TMEM120B: variants seen among roughly 807,000 people sequenced by gnomAD.
The protein encoded by TMEM120B is transmembrane protein 120B.
TMEM120B carries 31 observed loss-of-function variants against 55.5 expected under a neutral mutation model. That is an observed-to-expected ratio of 0.56 (90% CI 0.42 to 0.75). The LOEUF (loss-of-function observed/expected upper bound fraction) is 0.75, where lower values mean the gene tolerates loss of function less well. Ranked by LOEUF, TMEM120B falls within the 30% of genes least tolerant of loss-of-function variation. The probability of loss-of-function intolerance (pLI) is 0.00; values close to 1 mark genes in which losing one functional copy is unlikely to be tolerated. For missense variants in TMEM120B, 399 were observed against 425.5 expected (o/e 0.94, Z 0.55); for synonymous variants, 203 against 176.3 (o/e 1.15, Z -1.20).
intron 5 of TMEM120B, among the ~76,000 whole-genome samples, chr12:121,760,013 C>T (rs1313047067): frequency 6.6e-6 from 1 of 151,532 alleles, no homozygotes. Context: ...CACCCATAGT[C>T]CCAGCTACTC....
At chr12:121,770,865 C>CA in intron 6 of TMEM120B, 42 bp from the exon 7 acceptor site, 1 of 1,597,060 alleles carries the variant, frequency 6.3e-7, no homozygotes, top group Non-Finnish European at 8.6e-7. Flanking sequence ...GCCTGCGTTG[C>CA]TCTCCCCTCC....
intron 6 of TMEM120B, among the ~76,000 whole-genome samples, chr12:121,762,678 A>G (rs1330697907): frequency 6.6e-6 from 1 of 152,124 alleles, no homozygotes; most frequent in African/African-American, 2.4e-5. Context: ...AGGAGGATGG[A>G]CGGGTTTTGG....
intron 1 of TMEM120B, among the ~76,000 whole-genome samples, chr12:121,729,573 A>T: frequency 6.6e-6 from 1 of 151,994 alleles, no homozygotes. Context: ...TGGGAGGCTG[A>T]AGTGGGAGAA....
At chr12:121,731,364 G>A (rs1184167694) in intron 1 of TMEM120B, among the ~76,000 whole-genome samples, 2 of 152,122 alleles carry the variant, frequency 1.3e-5, no homozygotes, top group Non-Finnish European at 2.9e-5. Flanking sequence ...TGATTCTCCT[G>A]CCTCAGCCTC....
intron 4 of TMEM120B, 132 bp from the exon 5 acceptor site, chr12:121,751,995 TA>T: frequency 1.4e-6 from 1 of 700,836 alleles, no homozygotes; most frequent in East Asian, 2.6e-5. Flanking sequence ...GTCTTTCCTT[TA>T]GTGGAATGGG....
chr12:121,726,669 C>G (rs1894900943), intron 1 of TMEM120B, among the ~76,000 whole-genome samples: 1 of 151,412 alleles, frequency 6.6e-6, no homozygotes, highest in African/African-American at 2.4e-5. Context: ...CTTGGGAAGG[C>G]CAAGGTAGGT....
chr12:121,743,814 T>A, intron 2 of TMEM120B, 67 bp downstream of exon 2: 1 of 1,154,066 alleles, frequency 8.7e-7, no homozygotes, highest in Non-Finnish European at 1.3e-6. Flanking sequence ...CAAAACAGGC[T>A]GAAGCAGAGA....
intron 8 of TMEM120B, among the ~76,000 whole-genome samples, chr12:121,772,400 G>T (rs1874094968): frequency 6.6e-6 from 1 of 150,750 alleles, no homozygotes; most frequent in Non-Finnish European, 1.5e-5. Context: ...AAAGTGTTGG[G>T]ATTACAGGCA....
chr12:121,779,376 G>T lies in TMEM120B; in HGVS notation c.*3654G>T. Reference sequence around the variant, plus strand: ...GAGAGAGTTCCAGAATGTTCCAAGAGTCTAGCCGCAGGCCCCAGACACCAT... The same window carrying T: ...GAGAGAGTTCCAGAATGTTCCAAGATTCTAGCCGCAGGCCCCAGACACCAT... On this transcript the variant is annotated 3_prime_UTR_variant, in exon 12 of 12. Coordinates refer to ENST00000449592, the MANE Select transcript of TMEM120B (RefSeq NM_001080825.2). The T allele has an allele frequency of 9.6e-7, 1 of 1,046,016 alleles. No homozygotes were observed. The highest frequency in any genetic ancestry group is 1.4e-6 in the Non-Finnish European group (1 of 730,698). 64.8% of individuals were successfully genotyped at this position (1,046,016 alleles called of 1,614,324 possible).
At chr12:121,773,818 G>A (rs541413406) in intron 9 of TMEM120B, among the ~76,000 whole-genome samples, 4 of 151,600 alleles carry the variant, frequency 2.6e-5, no homozygotes, top group South Asian at 2.1e-4. Flanking sequence ...ATACCAACAC[G>A]TATAAGTATA....
chr12:121,759,051 G>A (rs1873581852), intron 5 of TMEM120B: 1 of 983,114 alleles, frequency 1.0e-6, no homozygotes, highest in African/African-American at 1.8e-5. Context: ...TTTACAGATG[G>A]TTTAAGGGGA....
chr12:121,724,526 T>A (rs1033234515), intron 1 of TMEM120B, among the ~76,000 whole-genome samples: 11 of 151,660 alleles, frequency 7.3e-5, no homozygotes, highest in Admixed American at 4.6e-4. Flanking sequence ...AATTAAATGA[T>A]GTTATGTCTT....
At chr12:121,745,076 G>C (rs1873042172) in intron 2 of TMEM120B, among the ~76,000 whole-genome samples, 1 of 152,138 alleles carries the variant, frequency 6.6e-6, no homozygotes, top group Non-Finnish European at 1.5e-5. Context: ...TAGCATCCCT[G>C]GCCTCTGCCC....
At chr12:121,722,318 C>T (rs960972508) in intron 1 of TMEM120B, among the ~76,000 whole-genome samples, 2 of 152,028 alleles carry the variant, frequency 1.3e-5, no homozygotes, top group Admixed American at 1.3e-4. Flanking sequence ...AGGCTAGTGT[C>T]GAACTCCTGA....
At chr12:121,723,106 C>A (rs1213977812) in intron 1 of TMEM120B, among the ~76,000 whole-genome samples, 1 of 152,012 alleles carries the variant, frequency 6.6e-6, no homozygotes, top group Non-Finnish European at 1.5e-5. Context: ...CCTCGCCTCC[C>A]AAAGTGCTGG....
chr12:121,723,139 G>T (rs1030025885), intron 1 of TMEM120B, among the ~76,000 whole-genome samples: 1 of 136,882 alleles, frequency 7.3e-6, no homozygotes, highest in African/African-American at 2.5e-5. Context: ...GAGCCACCGC[G>T]CCTGGCTTTT....
intron 6 of TMEM120B, among the ~76,000 whole-genome samples, chr12:121,767,065 T>A (rs1233294783): frequency 6.6e-6 from 1 of 152,198 alleles, no homozygotes; most frequent in Non-Finnish European, 1.5e-5. Context: ...TTTCCAGATA[T>A]TGGGACATGC....
At chr12:121,743,217 T>C (rs2720030) in intron 1 of TMEM120B, among the ~76,000 whole-genome samples, 82,020 of 151,648 alleles carry the variant, frequency 0.54, 23,365 homozygotes, top group African/African-American at 0.73. Flanking sequence ...CTCTTCATTG[T>C]CAGGATCAGA....
At chr12:121,741,719 A>G (rs1231524687) in intron 1 of TMEM120B, among the ~76,000 whole-genome samples, 2 of 150,130 alleles carry the variant, frequency 1.3e-5, no homozygotes, top group African/African-American at 4.9e-5. Flanking sequence ...CGCAACCTCC[A>G]CCTCCTGGGT....
Sources: gnomAD v4.1 joint callset for allele counts (sites outside exome capture counted in the v4.1 genomes callset) on GRCh38, gnomAD v4.1.1 for gene constraint, MANE v1.5 for transcripts, NCBI Gene and HGNC (gene_info 2026-07-23, HGNC 2026-07-21) for gene names.